Variants in MTR observed in about 807,000 individuals in gnomAD.
MTR encodes 5-methyltetrahydrofolate-homocysteine methyltransferase, also known as methionine synthase.
Under a neutral mutation model 154.8 loss-of-function variants are expected in MTR, and 84 were observed. The observed-to-expected ratio is 0.54, with a 90% CI of 0.45 to 0.65. The LOEUF (loss-of-function observed/expected upper bound fraction) is 0.65. Ranked by LOEUF, MTR falls within the 30% of genes least tolerant of loss-of-function variation. MTR has a pLI of 0.00. For synonymous variants in MTR, 554 were observed against 553.9 expected (o/e 1.00, Z 0.00); for missense variants, 1,275 against 1,570.2 (o/e 0.81, Z 3.18).
intron 9 of MTR, 38 bp downstream of exon 9, chr1:236,824,257 A>G: frequency 6.7e-7 from 1 of 1,490,564 alleles, no homozygotes; most frequent in Non-Finnish European, 9.4e-7. Context: ...GGGAGATAAA[A>G]ATAACATAAG....
At chr1:236,838,835 C>T (rs564594910) in intron 15 of MTR, among the ~76,000 whole-genome samples, 40 of 152,212 alleles carry the variant, frequency 2.6e-4, no homozygotes, top group African/African-American at 7.7e-4. Flanking sequence ...ATTGTGCCAA[C>T]GTCATAGAGT....
At position 236,795,394 on chromosome 1, in the gene MTR, C is replaced by G. The variant is rs751214704; in HGVS notation, c.-310C>G. 3 of 1,426,776 alleles carry G rather than the reference C, an allele frequency of 2.1e-6. No individual in the cohort carries two copies. Among genetic ancestry groups the G allele is most frequent in the East Asian group, 3.2e-5 (1 of 30,994 alleles). The allele number at this position is 1,426,776 out of a possible 1,614,324, so 88.4% of individuals were successfully genotyped here. A position where few individuals can be genotyped will look rare whatever the true frequency, so the allele number is the denominator to read the frequency against. On this transcript the variant is annotated 5_prime_UTR_variant, in exon 1 of 33. Transcript: ENST00000366577. Reference sequence around the variant, plus strand: ...TTTTCTCTTGGGTCCTTTTCCGTGCCGTCCCGCGACTCCGCCTCTGGCCGC... The same window carrying G: ...TTTTCTCTTGGGTCCTTTTCCGTGCGGTCCCGCGACTCCGCCTCTGGCCGC...
chr1:236,902,794 C>T lies in MTR; in HGVS notation c.*5150C>T, dbSNP rs1011322123. 2 of 152,202 alleles carry T rather than the reference C, an allele frequency of 1.3e-5. No individual in the cohort carries two copies. The highest frequency in any genetic ancestry group is 2.4e-5 in the African/African-American group (1 of 41,434). 9.4% of individuals were successfully genotyped at this position (152,202 alleles called of 1,614,324 possible). On this transcript the variant is annotated 3_prime_UTR_variant, in exon 33 of 33. Transcript: ENST00000366577. ...CATATTAGATGCGGCCCAAGTGATA[C>T]TTTCTTTACCGTCCCGTGAAGACAG...
chr1:236,885,156 A>G lies in MTR; in HGVS notation c.2712A>G (p.Glu904=). 3.7e-6 allele frequency: 6 copies of G among 1,610,388 alleles called. No homozygotes were observed. The highest frequency in any genetic ancestry group is 5.1e-6 in the Non-Finnish European group (6 of 1,176,598). ...SQLLDENLKD[E]YFEEIMEEYE... Reference sequence around the variant, plus strand: ...TGTTAGATGAAAATCTAAAGGATGAATACTTTGAGGAAATCATGGAAGAAT... The same window carrying G: ...TGTTAGATGAAAATCTAAAGGATGAGTACTTTGAGGAAATCATGGAAGAAT... Residue 904 remains glutamate (E), a synonymous_variant, in exon 26 of 33, where the codon GAA becomes GAG. Coordinates refer to ENST00000366577, the MANE Select transcript of MTR (RefSeq NM_000254.3).
intron 19 of MTR, 42 bp downstream of exon 19, chr1:236,859,964 A>G: frequency 6.5e-7 from 1 of 1,528,524 alleles, no homozygotes; most frequent in Non-Finnish European, 9.0e-7. Context: ...GAGGCTCATC[A>G]TGGCTGACTG....
chr1:236,854,758 A>G (rs892843893), intron 18 of MTR, among the ~76,000 whole-genome samples: 1 of 152,046 alleles, frequency 6.6e-6, no homozygotes, highest in African/African-American at 2.4e-5. Flanking sequence ...TTTTTTTGGC[A>G]TTGTATTTTG....
Position 236,834,934 on chromosome 1 carries a change from A to G in MTR, c.1189-613A>G, listed in dbSNP as rs186936480. On this transcript the variant is annotated intron_variant, in intron 13 of 32. Coordinates refer to ENST00000366577, the MANE Select transcript of MTR (RefSeq NM_000254.3). ...ATAATTTGAAAAGCCTTCCAGTGTT[A>G]TAAAAACCTGCTGAAATTTATTTAA... 1.6e-3 allele frequency among the ~76,000 whole-genome samples: 244 copies of G among 152,306 alleles called. 1 individual carries two copies. The Middle Eastern group carries it at 0.017, about 11-fold the overall frequency.
chr1:236,866,785 G>T (rs1338381405), intron 22 of MTR, among the ~76,000 whole-genome samples: 1 of 152,186 alleles, frequency 6.6e-6, no homozygotes, highest in Non-Finnish European at 1.5e-5. Flanking sequence ...GATTAAACCA[G>T]CCACAATATT....
intron 5 of MTR, among the ~76,000 whole-genome samples, chr1:236,811,856 T>G (rs1661323067): frequency 2.0e-5 from 3 of 152,224 alleles, no homozygotes; most frequent in African/African-American, 7.2e-5. Flanking sequence ...ACATATTGTC[T>G]CAGTCAAAGT....
intron 29 of MTR, 135 bp downstream of exon 29, chr1:236,891,464 G>A (rs1404097067): frequency 2.1e-6 from 2 of 960,524 alleles, no homozygotes; most frequent in African/African-American, 3.2e-5. Context: ...GAAGTGACCA[G>A]TCACACGCCC....
In MTR at chr1:236,850,293, T is replaced by G. The variant is rs59446331; in HGVS notation, c.1516-51T>G. ...ATAACAGGTATTTAATATTAATATT[T>G]TAATAGATAATTTTTCTATTTCAAA... On this transcript the variant is annotated intron_variant, in intron 15 of 32. Transcript: ENST00000366577. The G allele has an allele frequency of 1.3e-3, 1,636 of 1,281,436 alleles. 18 individuals carry two copies. The African/African-American group carries it at 0.021, about 16-fold the overall frequency. The allele number at this position is 1,281,436 out of a possible 1,614,324, so 79.4% of individuals were successfully genotyped here.
At chr1:236,812,451 G>A (rs1661359418) in intron 5 of MTR, among the ~76,000 whole-genome samples, 1 of 152,202 alleles carries the variant, frequency 6.6e-6, no homozygotes, top group Non-Finnish European at 1.5e-5. Context: ...GTTGAATGGG[G>A]GGTACATGTT....
intron 29 of MTR, among the ~76,000 whole-genome samples, chr1:236,891,980 G>A (rs1271193060): frequency 6.6e-6 from 1 of 152,070 alleles, no homozygotes; most frequent in African/African-American, 2.4e-5. Flanking sequence ...TTCGAGTGAC[G>A]AGAACAGACT....
At position 236,816,588 on chromosome 1, in the gene MTR, C is replaced by A. The variant is rs759717256; in HGVS notation, c.764+45C>A. 3.5e-5 allele frequency: 53 copies of A among 1,520,382 alleles called. No individual in the cohort carries two copies. In the East Asian group the frequency reaches 1.1e-3, roughly 30 times the overall value. 94.2% of individuals were successfully genotyped at this position (1,520,382 alleles called of 1,614,324 possible). On this transcript the variant is annotated intron_variant, in intron 8 of 32. Coordinates refer to ENST00000366577, the MANE Select transcript of MTR (RefSeq NM_000254.3). ...GTAACTTCTTTTCTTTTTTGGGGAA[C>A]CTTTTCTGATGGCTGTGGAGTGTGA...
chr1:236,874,031 A>C (rs1014806138), intron 23 of MTR, among the ~76,000 whole-genome samples, 191 bp downstream of exon 23: 9 of 152,192 alleles, frequency 5.9e-5, no homozygotes, highest in African/African-American at 2.2e-4. Context: ...AGAATGAGTA[A>C]CTATGGAACC....
intron 18 of MTR, among the ~76,000 whole-genome samples, chr1:236,854,417 C>G (rs974939285): frequency 6.6e-6 from 1 of 152,162 alleles, no homozygotes; most frequent in African/African-American, 2.4e-5. Flanking sequence ...AGAAACATTC[C>G]ATAGATTTTT....
intron 28 of MTR, among the ~76,000 whole-genome samples, chr1:236,889,671 C>T (rs1277775231): frequency 3.3e-5 from 5 of 152,146 alleles, no homozygotes; most frequent in Non-Finnish European, 7.3e-5. Context: ...TGCCTGGGCT[C>T]CTGTGGACAT....
At chr1:236,824,831 A>G (rs566498851) in intron 9 of MTR, among the ~76,000 whole-genome samples, 2 of 152,346 alleles carry the variant, frequency 1.3e-5, no homozygotes, top group East Asian at 3.9e-4. Flanking sequence ...TCCCACCAGG[A>G]GTAAGATAAC....
intron 22 of MTR, among the ~76,000 whole-genome samples, chr1:236,869,041 A>G (rs1464560616): frequency 6.6e-6 from 1 of 152,220 alleles, no homozygotes; most frequent in Non-Finnish European, 1.5e-5. Context: ...GACTGGATGG[A>G]AACACATGCC....
Sources: allele counts gnomAD v4.1 joint callset (sites outside exome capture counted in the v4.1 genomes callset), GRCh38; gene constraint gnomAD v4.1.1; transcripts MANE v1.5; gene names NCBI Gene and HGNC (gene_info 2026-07-23, HGNC 2026-07-21).